The following BRI3BP variants were observed in gnomAD, a reference collection of about 807,000 sequenced individuals.
BRI3BP encodes the protein BRI3 binding protein.
Under a neutral mutation model 15.8 loss-of-function variants are expected in BRI3BP, and 7 were observed. That is an observed-to-expected ratio of 0.44 (90% confidence interval 0.25 to 0.83). The LOEUF (loss-of-function observed/expected upper bound fraction) is 0.83, where lower values mean the gene tolerates loss of function less well. Ranked by LOEUF, BRI3BP falls within the 40% of genes least tolerant of loss-of-function variation. The pLI is 0.20. For synonymous variants in BRI3BP, 192 were observed against 163.5 expected (o/e 1.17, Z -1.33); for missense variants, 320 against 339.3 (o/e 0.94, Z 0.45).
At chr12:125,013,353 C>T (rs2135994203) in intron 2 of BRI3BP, among the ~76,000 whole-genome samples, 1 of 152,322 alleles carries the variant, frequency 6.6e-6, no homozygotes, top group African/African-American at 2.4e-5. Context: ...ACTGGCTGTC[C>T]AGGGTTGCAG....
chr12:125,007,543 T>C (rs1208562423), intron 1 of BRI3BP, among the ~76,000 whole-genome samples: 4 of 151,810 alleles, frequency 2.6e-5, no homozygotes, highest in African/African-American at 9.7e-5. Flanking sequence ...AGCAAGACTC[T>C]GTCTCAGGAA....
At chr12:125,047,272 C>G in the BRI3BP span, among the ~76,000 whole-genome samples, 1 of 151,904 alleles carries the variant, frequency 6.6e-6, no homozygotes, top group Non-Finnish European at 1.5e-5. Flanking sequence ...CCTCAGCCTC[C>G]CAAGTAGCTG....
intron 1 of BRI3BP, among the ~76,000 whole-genome samples, chr12:125,004,622 A>G (rs1162662345): frequency 6.6e-6 from 1 of 152,114 alleles, no homozygotes; most frequent in Admixed American, 6.6e-5. Flanking sequence ...TTAACGTTGT[A>G]TATTCATGTT....
chr12:125,007,502 T>C (rs564434968), intron 1 of BRI3BP, among the ~76,000 whole-genome samples: 23 of 152,156 alleles, frequency 1.5e-4, no homozygotes, highest in Non-Finnish European at 3.1e-4. Flanking sequence ...TGAGCTGAGA[T>C]GGCGCTAATG....
In BRI3BP at chr12:124,995,367, G is replaced by A. The variant is rs531000455; in HGVS notation, c.213+1364G>A. On this transcript the variant is annotated intron_variant, in intron 1 of 2. Transcript: ENST00000341446. Reference sequence around the variant, plus strand: ...GTCTCACTTACTTCCTCTTGATGCCGTTTCGGAGCTATTTGAAGGCAGAAA... The same window carrying A: ...GTCTCACTTACTTCCTCTTGATGCCATTTCGGAGCTATTTGAAGGCAGAAA... Among the ~76,000 whole-genome samples the A allele has an allele frequency of 5.3e-5, 8 of 152,208 alleles. 1 individual carries two copies. Among genetic ancestry groups the A allele is most frequent in the Non-Finnish European group, 1.2e-4 (8 of 68,036 alleles).
At chr12:125,001,591 T>C (rs1053393612) in intron 1 of BRI3BP, among the ~76,000 whole-genome samples, 3 of 151,928 alleles carry the variant, frequency 2.0e-5, no homozygotes, top group African/African-American at 7.3e-5. Context: ...CCCAGGCTGG[T>C]CTCTTGACTC....
the BRI3BP span, among the ~76,000 whole-genome samples, chr12:125,040,505 C>A: frequency 6.6e-6 from 1 of 150,898 alleles, no homozygotes; most frequent in Non-Finnish European, 1.5e-5. Context: ...CCACCACACC[C>A]AGCTAATTTC....
At chr12:125,017,718 A>G (rs762858874) in intron 2 of BRI3BP, among the ~76,000 whole-genome samples, 2 of 152,116 alleles carry the variant, frequency 1.3e-5, no homozygotes, top group African/African-American at 2.4e-5. Context: ...GCTTAGAAGG[A>G]TGGATTTAAG....
chr12:125,050,639 A>G, the BRI3BP span, among the ~76,000 whole-genome samples: 1 of 152,264 alleles, frequency 6.6e-6, no homozygotes, highest in Non-Finnish European at 1.5e-5. Context: ...CACGGGGACC[A>G]GAGCCCGGCG....
rs397758743 is a variant in BRI3BP at position 124,996,774 on chromosome 12, T to TC, written c.213+2773dup. Reference sequence around the variant, plus strand: ...CCCATAGTCTTTTTTTTTTTTTTTTTCCGAGATGGAGTATTGCTTTGTCGC... The same window carrying TC: ...CCCATAGTCTTTTTTTTTTTTTTTTTCCCGAGATGGAGTATTGCTTTGTCGC... On this transcript the variant is annotated intron_variant, in intron 1 of 2. Transcript: ENST00000341446. Among the ~76,000 whole-genome samples, 375 of 150,626 alleles carry TC rather than the reference T, an allele frequency of 2.5e-3. 1 individual carries two copies. The highest frequency in any genetic ancestry group is 8.6e-3 in the African/African-American group (350 of 40,740).
Position 125,029,556 on chromosome 12 carries a change from G to T in BRI3BP, c.*4126G>T, listed in dbSNP as rs1313646370. On this transcript the variant is annotated 3_prime_UTR_variant, in exon 3 of 3. Transcript: ENST00000341446. ...CAAAAAAAAAAAAAAGTGTGTGTGT[G>T]TGTATATATATGTATATATATATAC... 1 of 143,790 alleles carries T rather than the reference G, an allele frequency of 7.0e-6. No individual in the cohort carries two copies. The highest frequency in any genetic ancestry group is 1.5e-5 in the Non-Finnish European group (1 of 67,108). The allele number at this position is 143,790 out of a possible 1,614,324, so 8.9% of individuals were successfully genotyped here. A position where few individuals can be genotyped will look rare whatever the true frequency, so the allele number is the denominator to read the frequency against.
intron 1 of BRI3BP, among the ~76,000 whole-genome samples, chr12:124,996,250 T>C (rs1955039796): frequency 6.6e-6 from 1 of 152,084 alleles, no homozygotes; most frequent in African/African-American, 2.4e-5. Context: ...TAGCCCACAC[T>C]GGCCAGGCTT....
At chr12:125,020,359 C>T (rs1204304938) in intron 2 of BRI3BP, among the ~76,000 whole-genome samples, 1 of 152,204 alleles carries the variant, frequency 6.6e-6, no homozygotes, top group Non-Finnish European at 1.5e-5. Flanking sequence ...CACTGTGTCT[C>T]ACATGAAGGA....
chr12:125,033,077 T>C (rs1955418457), downstream of BRI3BP, among the ~76,000 whole-genome samples: 1 of 151,996 alleles, frequency 6.6e-6, no homozygotes, highest in Non-Finnish European at 1.5e-5. Context: ...TTTGCACCTA[T>C]GAAGGAAAAA....
the BRI3BP span, among the ~76,000 whole-genome samples, chr12:125,049,568 G>A: frequency 6.6e-6 from 1 of 152,160 alleles, no homozygotes; most frequent in Non-Finnish European, 1.5e-5. Context: ...ACTCGCCGGT[G>A]CCAGTCAGGA....
intron 2 of BRI3BP, among the ~76,000 whole-genome samples, chr12:125,024,058 C>G (rs1412109737): frequency 6.6e-6 from 1 of 151,952 alleles, no homozygotes; most frequent in African/African-American, 2.4e-5. Flanking sequence ...AAAACACAAA[C>G]AAAAAAACCA....
At chr12:125,010,785 T>A (rs115700605) in intron 1 of BRI3BP, among the ~76,000 whole-genome samples, 1,867 of 148,250 alleles carry the variant, frequency 0.013, 17 homozygotes, top group Middle Eastern at 0.041. Flanking sequence ...AAAATAAAAT[T>A]AAATTAAAAC....
chr12:125,001,042 T>A (rs1215420945), intron 1 of BRI3BP, among the ~76,000 whole-genome samples: 1 of 152,074 alleles, frequency 6.6e-6, no homozygotes, highest in Non-Finnish European at 1.5e-5. Flanking sequence ...GGGACTTAAT[T>A]ATGAATTTTT....
At chr12:125,022,494 G>T (rs1194395571) in intron 2 of BRI3BP, among the ~76,000 whole-genome samples, 5 of 111,026 alleles carry the variant, frequency 4.5e-5, no homozygotes, top group Non-Finnish European at 8.8e-5. Flanking sequence ...AAATTCAAGT[G>T]ATGTTATATG....
Sources: allele counts gnomAD v4.1 joint callset (sites outside exome capture counted in the v4.1 genomes callset), GRCh38; gene constraint gnomAD v4.1.1; transcripts MANE v1.5; gene names NCBI Gene and HGNC (gene_info 2026-07-23, HGNC 2026-07-21).